The following ZNF407 variants were observed in gnomAD, a reference collection of about 807,000 sequenced individuals.
ZNF407 encodes the protein zinc finger protein 407.
A neutral mutation model predicts 131.2 loss-of-function variants in ZNF407; 17 were observed. The ratio of observed to expected loss-of-function variants is 0.13; its 90% confidence interval spans 0.09 to 0.19. The LOEUF (loss-of-function observed/expected upper bound fraction) is 0.19. ZNF407 is among the 10% of genes least tolerant of loss of function. The probability of loss-of-function intolerance (pLI) is 1.00; values close to 1 mark genes in which losing one functional copy is unlikely to be tolerated. For missense variants in ZNF407, 2,681 were observed against 2,830.6 expected (o/e 0.95, Z 1.20); for synonymous variants, 1,156 against 1,062.0 (o/e 1.09, Z -1.72).
At chr18:74,764,297 T>G (rs183117469) in intron 3 of ZNF407, among the ~76,000 whole-genome samples, 4 of 152,224 alleles carry the variant, frequency 2.6e-5, no homozygotes, top group Non-Finnish European at 5.9e-5. Context: ...TGTGCTTTTT[T>G]TGTGTGTGTT....
At position 74,823,653 on chromosome 18, in the gene ZNF407, A is replaced by C. The variant is rs910239538; in HGVS notation, c.4877+42151A>C. Among the ~76,000 whole-genome samples, 5 of 152,354 alleles carry C rather than the reference A, an allele frequency of 3.3e-5. No individual in the cohort carries two copies. In the East Asian group the frequency reaches 9.6e-4, roughly 29 times the overall value. ...ATGGTAAAGGTATCAATGCAACAAG[A>C]AGAGCTAACTATCGTAAATATGTAT... On this transcript the variant is annotated intron_variant, in intron 4 of 8. Coordinates refer to ENST00000299687, the MANE Select transcript of ZNF407 (RefSeq NM_017757.3).
chr18:74,750,378 C>T (rs1968772219), intron 3 of ZNF407, among the ~76,000 whole-genome samples: 1 of 152,114 alleles, frequency 6.6e-6, no homozygotes, highest in Non-Finnish European at 1.5e-5. Context: ...GAGGGAAAGT[C>T]ATTTACTTTT....
At chr18:74,702,693 AC>A (rs1967527798) in intron 3 of ZNF407, among the ~76,000 whole-genome samples, 1 of 152,202 alleles carries the variant, frequency 6.6e-6, no homozygotes. Flanking sequence ...GCATATACTC[AC>A]ATTTATTTAT....
intron 8 of ZNF407, among the ~76,000 whole-genome samples, chr18:74,965,070 A>G (rs1972394910): frequency 1.3e-5 from 2 of 152,274 alleles, no homozygotes; most frequent in South Asian, 4.2e-4. Context: ...GTATGTATTT[A>G]TGGCATACCT....
chr18:75,007,447 G>A (rs577201848), intron 8 of ZNF407, among the ~76,000 whole-genome samples: 1 of 152,248 alleles, frequency 6.6e-6, no homozygotes, highest in East Asian at 1.9e-4. Context: ...TAGTCCTCAC[G>A]ACCCTTTTGC....
In ZNF407 at chr18:75,064,223, A is replaced by T; in HGVS notation, c.6502A>T (p.Thr2168Ser). 1 of 1,607,016 alleles carries T rather than the reference A, an allele frequency of 6.2e-7. No homozygotes were observed. Among genetic ancestry groups the T allele is most frequent in the Non-Finnish European group, 8.5e-7 (1 of 1,178,302 alleles). Residue 2168 changes from threonine (T) to serine (S), a missense_variant, in exon 9 of 9, where the codon ACG (threonine) becomes TCG (serine). Thr to Ser is a moderately conservative substitution (Grantham distance 58). Coordinates refer to ENST00000299687, the MANE Select transcript of ZNF407 (RefSeq NM_017757.3). Reference sequence around the variant, plus strand: ...CAGTGGCGGCTTCTCCGAGGGCACCACGCACTACATCCTGACAGAGCTGCC... The same window carrying T: ...CAGTGGCGGCTTCTCCGAGGGCACCTCGCACTACATCCTGACAGAGCTGCC... ...ESSGGFSEGTTHYILTELPPG... is the reference protein window; with the variant it reads ...ESSGGFSEGTSHYILTELPPG...
At chr18:74,785,859 GGCACACACGTCACTCA>G (rs1238035186) in intron 4 of ZNF407, among the ~76,000 whole-genome samples, 2 of 151,132 alleles carry the variant, frequency 1.3e-5, no homozygotes, top group South Asian at 2.1e-4. Context: ...TGGCCCACAT[GGCACACACGTCACTCA>G]CATGGCACGC....
intron 1 of ZNF407, among the ~76,000 whole-genome samples, chr18:74,605,280 G>T (rs1207682864): frequency 6.6e-6 from 1 of 152,180 alleles, no homozygotes; most frequent in Non-Finnish European, 1.5e-5. Context: ...GGGAAGCATG[G>T]GCCTTGCATC....
intron 1 of ZNF407, among the ~76,000 whole-genome samples, chr18:74,615,817 G>A (rs906454635): frequency 6.6e-6 from 1 of 152,040 alleles, no homozygotes; most frequent in Non-Finnish European, 1.5e-5. Flanking sequence ...TTGAAGACTT[G>A]TGATCCCATC....
intron 8 of ZNF407, among the ~76,000 whole-genome samples, chr18:75,012,061 A>T (rs1026594283): frequency 6.6e-6 from 1 of 152,154 alleles, no homozygotes; most frequent in African/African-American, 2.4e-5. Context: ...TTATTGATAT[A>T]TTTAAATATT....
intron 4 of ZNF407, among the ~76,000 whole-genome samples, chr18:74,858,656 C>G (rs1473394995): frequency 6.6e-6 from 1 of 152,198 alleles, no homozygotes; most frequent in African/African-American, 2.4e-5. Context: ...CTGCCCTGTT[C>G]AGTCATCTTC....
rs780684478 is a variant in ZNF407, at chr18:74,632,900, A to G, written c.1881A>G (p.Glu627=). 6.2e-7 allele frequency: 1 copy of G among 1,613,510 alleles called. No individual in the cohort carries two copies. The highest frequency in any genetic ancestry group is 1.1e-5 in the South Asian group (1 of 91,070). The change falls in exon 2 of 9, where the codon GAA becomes GAG. Residue 627 remains glutamate, a synonymous_variant. Transcript: ENST00000299687. ...CTPCNLFFLS[E]KDVEEHKATE... The stretch of plus-strand genomic sequence containing the variant: ...CTTGTAATCTGTTCTTTTTGTCTGA[A>G]AAAGATGTGGAAGAACACAAAGCCA...
intron 3 of ZNF407, among the ~76,000 whole-genome samples, chr18:74,774,407 C>G (rs575995136): frequency 6.6e-6 from 1 of 152,258 alleles, no homozygotes; most frequent in Admixed American, 6.5e-5. Context: ...CTACAGATTA[C>G]TTAATTACAA....
chr18:74,672,634 A>ATTCATTGGAGCACTGTTCGTCTG (rs1219971400), intron 3 of ZNF407, among the ~76,000 whole-genome samples: 1,740 of 148,800 alleles, frequency 0.012, 20 homozygotes, highest in Non-Finnish European at 0.018. Context: ...AGCACTGTTT[A>ATTCATTGGAGCACTGTTCGTCTG]TTCATTGGAG....
At chr18:74,663,688 G>T (rs1336060024) in intron 3 of ZNF407, among the ~76,000 whole-genome samples, 1 of 152,194 alleles carries the variant, frequency 6.6e-6, no homozygotes, top group East Asian at 1.9e-4. Context: ...TTCTTGGAAT[G>T]TCATAAGAAC....
intron 3 of ZNF407, among the ~76,000 whole-genome samples, chr18:74,769,551 A>G (rs1022876259): frequency 1.3e-5 from 2 of 152,186 alleles, no homozygotes; most frequent in East Asian, 3.8e-4. Context: ...GGTCATGGCA[A>G]TTCCCATTTT....
At chr18:74,612,574 A>G (rs974356053) in intron 1 of ZNF407, among the ~76,000 whole-genome samples, 7 of 152,192 alleles carry the variant, frequency 4.6e-5, no homozygotes, top group Non-Finnish European at 1.0e-4. Flanking sequence ...GTAAAGACTC[A>G]GGTGTAGAGA....
chr18:74,822,599 C>A (rs1010763787), intron 4 of ZNF407, among the ~76,000 whole-genome samples: 2 of 151,936 alleles, frequency 1.3e-5, no homozygotes, highest in African/African-American at 4.8e-5. Flanking sequence ...ATTTCTGAGG[C>A]CTCTGTTCTG....
intron 3 of ZNF407, among the ~76,000 whole-genome samples, chr18:74,662,318 AAGT>A (rs1252943397): frequency 6.6e-6 from 1 of 152,196 alleles, no homozygotes; most frequent in Non-Finnish European, 1.5e-5. Flanking sequence ...AATATAAAAT[AAGT>A]AGACAAAATA....
Sources: gnomAD v4.1 joint callset for allele counts (sites outside exome capture counted in the v4.1 genomes callset) on GRCh38, gnomAD v4.1.1 for gene constraint, MANE v1.5 for transcripts, NCBI Gene and HGNC (gene_info 2026-07-23, HGNC 2026-07-21) for gene names.